The following NREP variants were observed in gnomAD, a reference collection of about 807,000 sequenced individuals.
NREP encodes the protein neuronal regeneration related protein.
NREP carries 5 observed loss-of-function variants against 8.6 expected under a neutral mutation model. That is an observed-to-expected ratio of 0.58 (90% CI 0.30 to 1.22). NREP has a LOEUF of 1.22. Ranked by LOEUF, NREP falls within the 50% of genes most tolerant of loss-of-function variation. NREP has a pLI of 0.07. For synonymous variants in NREP, 27 were observed against 28.0 expected, an observed-to-expected ratio of 0.96 and a Z score of 0.11; for missense variants, 86 against 82.5, an observed-to-expected ratio of 1.04 and a Z score of -0.17.
At chr5:111,769,173 C>A (rs941798232) in intron 2 of NREP, among the ~76,000 whole-genome samples, 4 of 152,148 alleles carry the variant, frequency 2.6e-5, no homozygotes, top group African/African-American at 9.7e-5. Context: ...TGGTGTGAAG[C>A]TTCCCTGATG....
intron 2 of NREP, among the ~76,000 whole-genome samples, chr5:111,917,178 C>T (rs966103419): frequency 6.6e-6 from 1 of 151,874 alleles, no homozygotes; most frequent in Non-Finnish European, 1.5e-5. Context: ...AAGTCATATG[C>T]TAGACCAATA....
At chr5:111,876,756 T>G (rs1038945873) in intron 2 of NREP, among the ~76,000 whole-genome samples, 1 of 152,222 alleles carries the variant, frequency 6.6e-6, no homozygotes, top group African/African-American at 2.4e-5. Context: ...TTATTTATCA[T>G]GTAGTACTTA....
At chr5:111,942,007 G>A (rs988064682) in intron 2 of NREP, among the ~76,000 whole-genome samples, 11 of 152,112 alleles carry the variant, frequency 7.2e-5, no homozygotes, top group African/African-American at 2.6e-4. Context: ...CATTTTGTAG[G>A]ATAGCAGAAC....
rs1019213361 is a variant in NREP, at chr5:111,894,267, A to G, written c.135+81007T>C. 1.3e-3 allele frequency among the ~76,000 whole-genome samples: 192 copies of G among 152,046 alleles called. 1 individual carries two copies. The highest frequency in any genetic ancestry group is 2.9e-4 in the Non-Finnish European group (20 of 67,994). ...TTAATAATAAATTTTTCCAACAAAAATTTGATTTATCTTAGTTCAAGTGTA... is the reference window on the plus strand; with the variant it reads ...TTAATAATAAATTTTTCCAACAAAAGTTTGATTTATCTTAGTTCAAGTGTA... On this transcript the variant is annotated intron_variant, in intron 2 of 3. Coordinates refer to the NREP transcript ENST00000395634.
intron 2 of NREP, among the ~76,000 whole-genome samples, chr5:111,818,333 GA>G (rs1233497149): frequency 6.6e-6 from 1 of 152,086 alleles, no homozygotes; most frequent in Non-Finnish European, 1.5e-5. Context: ...CTTACAAAAA[GA>G]AACTTTAAAA....
intron 2 of NREP, among the ~76,000 whole-genome samples, chr5:111,827,453 A>G (rs1223692960): frequency 6.6e-6 from 1 of 152,204 alleles, no homozygotes; most frequent in African/African-American, 2.4e-5. Flanking sequence ...ACAATGCCCA[A>G]GTTACTGAGG....
chr5:111,763,909 T>G lies in NREP; in HGVS notation c.136-28402A>C, dbSNP rs997290324. Among the ~76,000 whole-genome samples, 85 of 152,306 alleles carry G rather than the reference T, an allele frequency of 5.6e-4. 2 individuals are homozygous for G. Among genetic ancestry groups the G allele is most frequent in the African/African-American group, 1.8e-3 (76 of 41,568 alleles). On this transcript the variant is annotated intron_variant, in intron 2 of 3. Coordinates refer to the NREP transcript ENST00000395634. ...GGTATTTTCTGTAACACTGGGGAAA[T>G]GCAGAAACATGCTCTAAGAAGCTGA...
At chr5:111,875,238 C>A (rs1465837116) in intron 2 of NREP, among the ~76,000 whole-genome samples, 1 of 151,956 alleles carries the variant, frequency 6.6e-6, no homozygotes, top group Non-Finnish European at 1.5e-5. Context: ...CTTAACTATT[C>A]AGTTTTAAAA....
At chr5:111,935,177 C>G (rs1423159164) in intron 2 of NREP, among the ~76,000 whole-genome samples, 1 of 152,126 alleles carries the variant, frequency 6.6e-6, no homozygotes, top group Admixed American at 6.5e-5. Flanking sequence ...AGCAGCCAAG[C>G]TGTGCTCATG....
At chr5:111,756,149 T>A (rs1750688850) in intron 1 of NREP, 2 of 1,063,770 alleles carry the variant, frequency 1.9e-6, no homozygotes, top group African/African-American at 3.3e-5. Flanking sequence ...TAGATTGTTT[T>A]CTGGCTGCTC....
intron 2 of NREP, among the ~76,000 whole-genome samples, chr5:111,906,345 C>A (rs1754777975): frequency 6.6e-6 from 1 of 151,728 alleles, no homozygotes; most frequent in African/African-American, 2.4e-5. Flanking sequence ...TGGATTTTGT[C>A]AGAACTTTAT....
intron 2 of NREP, among the ~76,000 whole-genome samples, chr5:111,968,326 C>G (rs532111426): frequency 1.3e-5 from 2 of 152,084 alleles, no homozygotes; most frequent in East Asian, 3.9e-4. Flanking sequence ...CCAGTAAAAC[C>G]TATTGCATAA....
At chr5:111,927,988 A>T (rs1755436194) in intron 2 of NREP, among the ~76,000 whole-genome samples, 1 of 152,162 alleles carries the variant, frequency 6.6e-6, no homozygotes, top group African/African-American at 2.4e-5. Context: ...GGACTGGAAA[A>T]GATTGGCAGC....
intron 2 of NREP, among the ~76,000 whole-genome samples, chr5:111,962,039 TC>T (rs1756493972): frequency 1.3e-5 from 2 of 152,196 alleles, no homozygotes; most frequent in Admixed American, 1.3e-4. Context: ...GAGTGACAAA[TC>T]CCAGAGGAGG....
intron 2 of NREP, among the ~76,000 whole-genome samples, chr5:111,878,644 C>T (rs771673713): frequency 2.6e-5 from 4 of 152,048 alleles, no homozygotes; most frequent in African/African-American, 9.7e-5. Flanking sequence ...ATTTGTTTGC[C>T]GTTGTCTTAA....
chr5:111,946,100 A>ACG (rs2112625303), intron 2 of NREP, among the ~76,000 whole-genome samples: 1 of 57,238 alleles, frequency 1.7e-5, no homozygotes, highest in East Asian at 8.3e-4. Flanking sequence ...ACACACACAC[A>ACG]CATAAGAAAA....
chr5:111,772,086 G>C (rs1751244930), intron 2 of NREP, among the ~76,000 whole-genome samples: 1 of 152,186 alleles, frequency 6.6e-6, no homozygotes, highest in South Asian at 2.1e-4. Flanking sequence ...TGGACTGGAA[G>C]ATTCTCCAAA....
chr5:111,910,529 A>T (rs1754883007), intron 2 of NREP, among the ~76,000 whole-genome samples: 1 of 152,220 alleles, frequency 6.6e-6, no homozygotes, highest in Middle Eastern at 3.4e-3. Flanking sequence ...TCCTGAGAAG[A>T]AACTTATGGA....
At chr5:111,838,729 G>C (rs1396265713) in intron 2 of NREP, among the ~76,000 whole-genome samples, 2 of 151,734 alleles carry the variant, frequency 1.3e-5, no homozygotes, top group Middle Eastern at 3.2e-3. Flanking sequence ...GTGTGTGTTT[G>C]TATGCATATA....
Sources: allele counts gnomAD v4.1 joint callset (sites outside exome capture counted in the v4.1 genomes callset), GRCh38; gene constraint gnomAD v4.1.1; transcripts MANE v1.5; gene names NCBI Gene and HGNC (gene_info 2026-07-23, HGNC 2026-07-21).